Variants in ABCB1 observed in about 807,000 individuals in gnomAD.
The protein encoded by ABCB1 is ATP binding cassette subfamily B member 1, also known as ATP-dependent translocase ABCB1.
In ABCB1, 69 loss-of-function variants were observed where a neutral mutation model predicts 142.0. The ratio of observed to expected loss-of-function variants is 0.49; its 90% CI spans 0.40 to 0.59. The LOEUF (loss-of-function observed/expected upper bound fraction) is 0.59. Among genes scored for constraint, ABCB1 ranks in the 20% least tolerant of loss-of-function variants. The pLI, the probability that ABCB1 is intolerant of heterozygous loss-of-function variation, is 0.00. For missense variants in ABCB1, 1,326 were observed against 1,554.7 expected (o/e 0.85, Z 2.47); for synonymous variants, 532 against 539.2 (o/e 0.99, Z 0.18).
intron 1 of ABCB1, chr7:87,650,849 G>T (rs1823503987): frequency 3.1e-6 from 5 of 1,611,876 alleles, no homozygotes; most frequent in Non-Finnish European, 4.2e-6. Flanking sequence ...TGATTGATCG[G>T]TCTTGCTTTG....
At chr7:87,599,597 G>A (rs911967565) in intron 2 of ABCB1, among the ~76,000 whole-genome samples, 1 of 152,178 alleles carries the variant, frequency 6.6e-6, no homozygotes, top group Non-Finnish European at 1.5e-5. Flanking sequence ...AAGACTAAGG[G>A]AAAGAGGCCG....
chr7:87,590,228 T>A (rs973305858), intron 3 of ABCB1, among the ~76,000 whole-genome samples: 1 of 152,212 alleles, frequency 6.6e-6, no homozygotes, highest in African/African-American at 2.4e-5. Context: ...GCATACACTC[T>A]AGTGCATACA....
intron 1 of ABCB1, among the ~76,000 whole-genome samples, chr7:87,671,998 G>A (rs1051094084): frequency 1.1e-4 from 16 of 152,098 alleles, no homozygotes; most frequent in Non-Finnish European, 1.6e-4. Context: ...CAGTTTGGCC[G>A]CATTTTGGTA....
chr7:87,643,609 C>T (rs574922851), intron 1 of ABCB1, among the ~76,000 whole-genome samples: 4 of 152,084 alleles, frequency 2.6e-5, no homozygotes, highest in African/African-American at 9.6e-5. Flanking sequence ...CAACTTCTGC[C>T]TCCCAGGTTC....
rs112610351 is a variant in ABCB1, at chr7:87,568,242, C to CAATAATAATAATAATAATAATAAT, written c.339-1290_339-1267dup. On this transcript the variant is annotated intron_variant, in intron 5 of 27. Transcript: ENST00000622132. ...AATCCCGTCTCTACTAAAAATACGA[C>CAATAATAATAATAATAATAATAAT]AATAATAATAATAATAATAATAATA... Among the ~76,000 whole-genome samples, 5 of 135,956 alleles carry CAATAATAATAATAATAATAATAAT rather than the reference C, an allele frequency of 3.7e-5. No homozygotes were observed. The South Asian group carries it at 1.0e-3, about 28-fold the overall frequency. The allele number at this position is 135,956 out of a possible 152,430, so 89.2% of individuals were successfully genotyped here.
chr7:87,506,823 C>T (rs1193608134), intron 26 of ABCB1, among the ~76,000 whole-genome samples: 1 of 152,154 alleles, frequency 6.6e-6, no homozygotes, highest in Non-Finnish European at 1.5e-5. Flanking sequence ...TTTTTATTTG[C>T]TATATCTGGC....
In ABCB1 at chr7:87,553,879, G is replaced by A; in HGVS notation, c.881C>T (p.Thr294Ile). Residue 294 changes from threonine to isoleucine, a missense_variant, in exon 9 of 28, where the codon ACA becomes ATA. Thr to Ile is a moderately conservative substitution (Grantham distance 89, BLOSUM62 -1). Coordinates refer to ENST00000622132, the MANE Select transcript of ABCB1 (RefSeq NM_001348946.2). ...AGCAGCACCTATAGAAATATTGGCT[G>A]TAATAGCTTTCTTTATCCCAATTCT... Reference protein sequence around the residue: ...AKRIGIKKAITANISIGAAFL... With the variant: ...AKRIGIKKAIIANISIGAAFL... 1 of 1,614,072 alleles carries A rather than the reference G, an allele frequency of 6.2e-7. No homozygotes were observed. Among genetic ancestry groups the A allele is most frequent in the African/African-American group, 1.3e-5 (1 of 75,042 alleles).
intron 1 of ABCB1, among the ~76,000 whole-genome samples, chr7:87,645,534 G>T (rs762596489): frequency 1.3e-5 from 2 of 152,010 alleles, no homozygotes; most frequent in Admixed American, 1.3e-4. Context: ...TAATTTTTAT[G>T]TAAAAGCTGT....
At chr7:87,589,858 G>A (rs1408881799) in intron 3 of ABCB1, among the ~76,000 whole-genome samples, 3 of 151,316 alleles carry the variant, frequency 2.0e-5, no homozygotes, top group Non-Finnish European at 2.9e-5. Flanking sequence ...GGGAGAGAGA[G>A]AGAGAGAGAG....
chr7:87,532,609 C>T (rs755293204), intron 20 of ABCB1, among the ~76,000 whole-genome samples: 2 of 152,112 alleles, frequency 1.3e-5, no homozygotes, highest in Non-Finnish European at 2.9e-5. Context: ...GGGAGGAACC[C>T]TCAGTTCTGA....
At chr7:87,536,740 A>T (rs1460903791) in intron 19 of ABCB1, among the ~76,000 whole-genome samples, 199 bp from the exon 20 acceptor site, 1 of 152,252 alleles carries the variant, frequency 6.6e-6, no homozygotes. Flanking sequence ...AAAATTTCTG[A>T]GTGCCTACTT....
At chr7:87,548,425 C>T (rs1238180478) in intron 14 of ABCB1, among the ~76,000 whole-genome samples, 1 of 152,010 alleles carries the variant, frequency 6.6e-6, no homozygotes, top group African/African-American at 2.4e-5. Flanking sequence ...ACAGATTAAG[C>T]AAAATGAGGG....
intron 1 of ABCB1, among the ~76,000 whole-genome samples, chr7:87,707,436 G>A (rs1220523869): frequency 6.6e-6 from 1 of 152,142 alleles, no homozygotes. Flanking sequence ...CACTTTGGGA[G>A]ACCAAGGTGA....
upstream of ABCB1, among the ~76,000 whole-genome samples, chr7:87,604,150 T>C (rs1399502578): frequency 6.6e-6 from 1 of 152,214 alleles, no homozygotes; most frequent in Non-Finnish European, 1.5e-5. Context: ...TTTTTCCTTC[T>C]CCTATGGTTT....
intron 4 of ABCB1, among the ~76,000 whole-genome samples, chr7:87,573,872 G>A (rs1818165724): frequency 6.6e-6 from 1 of 152,000 alleles, no homozygotes; most frequent in Admixed American, 6.6e-5. Context: ...TGTAATAAAA[G>A]CCAAGAAGAA....
chr7:87,507,671 C>T (rs541454370), intron 26 of ABCB1, among the ~76,000 whole-genome samples: 1 of 152,220 alleles, frequency 6.6e-6, no homozygotes, highest in East Asian at 1.9e-4. Context: ...CCTGGTGTTG[C>T]TTGCCTGCCT....
chr7:87,628,812 G>T lies in ABCB1; in HGVS notation c.-330-27734C>A, dbSNP rs1477992172. 4.9e-6 allele frequency: 6 copies of T among 1,236,460 alleles called. No homozygotes were observed. The African/African-American group carries it at 9.3e-5, about 19-fold the overall frequency. The allele number at this position is 1,236,460 out of a possible 1,614,324, so 76.6% of individuals were successfully genotyped here. A position where few individuals can be genotyped will look rare whatever the true frequency, so the allele number is the denominator to read the frequency against. On this transcript the variant is annotated intron_variant, in intron 1 of 28. Transcript: ENST00000265724. Reference sequence around the variant, plus strand: ...TGGCACGAGACAAAAGGGGCACGGGGGTAAGCCCGCCATGGCCTCCCGGAG... The same window carrying T: ...TGGCACGAGACAAAAGGGGCACGGGTGTAAGCCCGCCATGGCCTCCCGGAG...
In ABCB1 at chr7:87,549,409, T is replaced by G. The variant is rs762410817; in HGVS notation, c.1664A>C (p.Asp555Ala). Residue 555 changes from aspartate (D) to alanine (A), a missense_variant, in exon 14 of 28, where the codon GAT (aspartate) becomes GCT (alanine). By Grantham distance (126) the Asp-to-Ala change is moderately radical. Transcript: ENST00000622132. The part of the protein sequence containing the change: ...LVRNPKILLL[D>A]EATSALDTES... The stretch of plus-strand genomic sequence containing the variant: ...TGTGTCCAAGGCTGACGTGGCCTCA[T>G]CCAGCAGGAGGATCTTGGGGTTGCG... 6.2e-7 allele frequency: 1 copy of G among 1,614,086 alleles called. No homozygotes were observed. The highest frequency in any genetic ancestry group is 8.5e-7 in the Non-Finnish European group (1 of 1,180,052).
chr7:87,675,243 T>G (rs987825268), intron 1 of ABCB1, among the ~76,000 whole-genome samples: 2 of 152,346 alleles, frequency 1.3e-5, no homozygotes, highest in African/African-American at 4.8e-5. Context: ...TCTAAATGCC[T>G]TCCCTCCAAA....
Sources: gnomAD v4.1 joint callset for allele counts (sites outside exome capture counted in the v4.1 genomes callset) on GRCh38, gnomAD v4.1.1 for gene constraint, MANE v1.5 for transcripts, NCBI Gene and HGNC (gene_info 2026-07-23, HGNC 2026-07-21) for gene names.